CDH12: variants seen among roughly 807,000 people sequenced by gnomAD.
The protein encoded by CDH12 is cadherin 12.
CDH12 carries 41 observed loss-of-function variants against 74.1 expected under a neutral mutation model. The ratio of observed to expected loss-of-function variants is 0.55; its 90% CI spans 0.43 to 0.72. CDH12 has a LOEUF of 0.72. Ranked by LOEUF, CDH12 falls within the 30% of genes least tolerant of loss-of-function variation. CDH12 has a pLI of 0.00. For synonymous variants in CDH12, 399 were observed against 355.0 expected (o/e 1.12, Z -1.39); for missense variants, 945 against 977.2 (o/e 0.97, Z 0.44).
chr5:22,142,338 G>A (rs762919793), intron 4 of CDH12: 5 of 390,098 alleles, frequency 1.3e-5, no homozygotes, highest in South Asian at 2.3e-5. Flanking sequence ...TCATTGTCTA[G>A]GGAGGAACTG....
chr5:21,859,143 T>C (rs1750900632), intron 6 of CDH12, among the ~76,000 whole-genome samples: 1 of 151,940 alleles, frequency 6.6e-6, no homozygotes, highest in South Asian at 2.1e-4. Flanking sequence ...CAGTTTCCCC[T>C]AACCACCTGT....
At chr5:22,614,260 T>C (rs1020815684) in intron 1 of CDH12, among the ~76,000 whole-genome samples, 4 of 152,100 alleles carry the variant, frequency 2.6e-5, no homozygotes, top group African/African-American at 9.7e-5. Context: ...TCCTGCCTTC[T>C]GAGAAGTGAT....
chr5:22,423,180 A>G (rs1743730000), intron 2 of CDH12, among the ~76,000 whole-genome samples: 1 of 150,498 alleles, frequency 6.6e-6, no homozygotes, highest in African/African-American at 2.5e-5. Flanking sequence ...ATTGTTTTTC[A>G]ATCATCAGTA....
At chr5:22,698,386 G>C (rs961015243) in intron 1 of CDH12, among the ~76,000 whole-genome samples, 1 of 151,408 alleles carries the variant, frequency 6.6e-6, no homozygotes, top group Admixed American at 6.6e-5. Context: ...CTCCCAAAAT[G>C]CTGGGATTAC....
At chr5:22,589,832 G>A (rs1419839155) in intron 1 of CDH12, among the ~76,000 whole-genome samples, 1 of 151,910 alleles carries the variant, frequency 6.6e-6, no homozygotes, top group East Asian at 1.9e-4. Context: ...AGTATTTTAT[G>A]TCATCTCCTG....
intron 5 of CDH12, among the ~76,000 whole-genome samples, chr5:22,014,409 T>C (rs1437848147): frequency 6.6e-6 from 1 of 152,174 alleles, no homozygotes; most frequent in Non-Finnish European, 1.5e-5. Flanking sequence ...CTTAAACATA[T>C]GATATATAAG....
At chr5:22,233,782 C>T (rs943562213) in intron 3 of CDH12, among the ~76,000 whole-genome samples, 1 of 152,092 alleles carries the variant, frequency 6.6e-6, no homozygotes, top group Admixed American at 6.6e-5. Context: ...CAAGACAACA[C>T]ACAGAAATGT....
intron 1 of CDH12, among the ~76,000 whole-genome samples, chr5:22,549,106 A>C (rs2126730590): frequency 6.7e-6 from 1 of 150,264 alleles, no homozygotes; most frequent in African/African-American, 2.4e-5. Context: ...TCCCTGGCCT[A>C]GTTTTTTGTT....
At chr5:22,527,945 T>G (rs888347655) in intron 1 of CDH12, among the ~76,000 whole-genome samples, 3 of 152,178 alleles carry the variant, frequency 2.0e-5, no homozygotes, top group Non-Finnish European at 4.4e-5. Flanking sequence ...TGGTTCATAT[T>G]TATGTTGCAC....
At chr5:22,534,442 C>T (rs573001638) in intron 1 of CDH12, among the ~76,000 whole-genome samples, 24 of 152,262 alleles carry the variant, frequency 1.6e-4, no homozygotes, top group African/African-American at 5.8e-4. Context: ...TGAGTGAGAA[C>T]ATAAGATGTT....
intron 1 of CDH12, among the ~76,000 whole-genome samples, chr5:22,822,747 G>A (rs1210883790): frequency 6.6e-6 from 1 of 152,150 alleles, no homozygotes; most frequent in Admixed American, 6.5e-5. Flanking sequence ...GTGCTGGAGA[G>A]GATGTGGAGA....
At chr5:22,463,322 T>C (rs1177086765) in intron 2 of CDH12, among the ~76,000 whole-genome samples, 2 of 152,184 alleles carry the variant, frequency 1.3e-5, no homozygotes, top group Non-Finnish European at 2.9e-5. Flanking sequence ...ATTCATTTTC[T>C]AAAAGCCTAC....
At chr5:21,758,136 CCA>C (rs1443844703) in intron 13 of CDH12, among the ~76,000 whole-genome samples, 1 of 152,146 alleles carries the variant, frequency 6.6e-6, no homozygotes. Flanking sequence ...CTCATATGGT[CCA>C]GTTTGTCTTA....
chr5:22,779,577 C>G (rs1354842828), intron 1 of CDH12, among the ~76,000 whole-genome samples: 5 of 152,144 alleles, frequency 3.3e-5, no homozygotes, highest in Non-Finnish European at 5.9e-5. Context: ...ATCCCCACAT[C>G]GAGGGAGGGA....
chr5:22,421,750 G>A lies in CDH12; in HGVS notation c.-427-16399C>T, dbSNP rs143989219. Among the ~76,000 whole-genome samples, 473 of 152,226 alleles carry A rather than the reference G, an allele frequency of 3.1e-3. 6 individuals carry two copies. Among genetic ancestry groups the A allele is most frequent in the African/African-American group, 0.011 (456 of 41,534 alleles). Reference sequence around the variant, plus strand: ...ATGGTATTTCTGGTTCTAGATCCTTGAGGAATCACCACACTGTCTTCCACA... The same window carrying A: ...ATGGTATTTCTGGTTCTAGATCCTTAAGGAATCACCACACTGTCTTCCACA... On this transcript the variant is annotated intron_variant, in intron 2 of 14. Coordinates refer to ENST00000382254, the MANE Select transcript of CDH12 (RefSeq NM_004061.5).
chr5:21,883,444 C>T, intron 6 of CDH12: 1 of 1,602,624 alleles, frequency 6.2e-7, no homozygotes, highest in South Asian at 1.1e-5. Context: ...GCTCTAAGTA[C>T]ACTCATCTTG....
chr5:22,572,508 C>T (rs1349140406), intron 1 of CDH12, among the ~76,000 whole-genome samples: 1 of 151,824 alleles, frequency 6.6e-6, no homozygotes, highest in African/African-American at 2.4e-5. Flanking sequence ...TTTCTTTTCC[C>T]CCAGGATTAA....
chr5:22,507,303 A>G (rs1470637910), intron 1 of CDH12, among the ~76,000 whole-genome samples: 2 of 152,100 alleles, frequency 1.3e-5, no homozygotes, highest in East Asian at 3.8e-4. Flanking sequence ...ATTCATTTTT[A>G]AGACAAAAAG....
intron 3 of CDH12, among the ~76,000 whole-genome samples, chr5:22,309,329 A>G (rs888316994): frequency 2.6e-5 from 4 of 152,220 alleles, no homozygotes; most frequent in African/African-American, 9.6e-5. Context: ...TACGTGTTTA[A>G]GAATCACAGA....
Sources: allele counts gnomAD v4.1 joint callset (sites outside exome capture counted in the v4.1 genomes callset), GRCh38; gene constraint gnomAD v4.1.1; transcripts MANE v1.5; gene names NCBI Gene and HGNC (gene_info 2026-07-23, HGNC 2026-07-21).